The following RPSA2 variants were observed in gnomAD, a reference collection of about 807,000 sequenced individuals.
RPSA2 encodes small ribosomal subunit protein uS2B.
the RPSA2 span, among the ~76,000 whole-genome samples, chr19:23,866,520 C>A: frequency 1.4e-5 from 2 of 147,670 alleles, no homozygotes; most frequent in African/African-American, 2.4e-5. Context: ...GGTGCCCCCC[C>A]CCGCCCAGTG....
the RPSA2 span, among the ~76,000 whole-genome samples, chr19:23,867,832 A>C: frequency 4.6e-4 from 31 of 67,356 alleles, no homozygotes; most frequent in Non-Finnish European, 9.6e-4. Context: ...TCCGTCTCAA[A>C]AAAAAAAAAA....
chr19:23,841,001 A>C, the RPSA2 span, among the ~76,000 whole-genome samples: 1 of 149,570 alleles, frequency 6.7e-6, no homozygotes, highest in South Asian at 2.1e-4. Flanking sequence ...AAACATGGAC[A>C]TCGTATGTGC....
the RPSA2 span, among the ~76,000 whole-genome samples, chr19:23,761,901 A>ATCC: frequency 1.5e-4 from 5 of 34,030 alleles, 1 homozygote; most frequent in Non-Finnish European, 2.7e-4. Flanking sequence ...GGGTAACGTA[A>ATCC]TTCTTTCTTT....
the RPSA2 span, among the ~76,000 whole-genome samples, chr19:23,802,224 T>C: frequency 1.3e-5 from 2 of 151,330 alleles, no homozygotes; most frequent in Non-Finnish European, 2.9e-5. Flanking sequence ...GCAGAATCTC[T>C]AAGTGTAAAC....
chr19:23,769,609 G>C, the RPSA2 span, among the ~76,000 whole-genome samples: 528 of 152,296 alleles, frequency 3.5e-3, 5 homozygotes, highest in African/African-American at 0.012. Context: ...CTCCCAAAGT[G>C]CTGGGATTAC....
chr19:23,842,045 C>A, the RPSA2 span, among the ~76,000 whole-genome samples: 2 of 152,162 alleles, frequency 1.3e-5, no homozygotes, highest in African/African-American at 4.8e-5. Flanking sequence ...AGATGTTTTA[C>A]AAAGTATTTT....
chr19:23,817,202 A>T, the RPSA2 span, among the ~76,000 whole-genome samples: 2 of 152,122 alleles, frequency 1.3e-5, no homozygotes, highest in African/African-American at 4.8e-5. Context: ...ACCAACATGG[A>T]GAAACCCTGT....
chr19:23,798,601 A>AT, the RPSA2 span, among the ~76,000 whole-genome samples: 1 of 152,154 alleles, frequency 6.6e-6, no homozygotes, highest in Non-Finnish European at 1.5e-5. Context: ...AGTTACAGAA[A>AT]TTTTTTAAAA....
chr19:23,800,803 G>A, the RPSA2 span, among the ~76,000 whole-genome samples: 1 of 152,154 alleles, frequency 6.6e-6, no homozygotes, highest in South Asian at 2.1e-4. Context: ...AGTAGAGACA[G>A]GGTTTTTCCA....
chr19:23,758,607 G>T, the RPSA2 span: 1 of 1,268,456 alleles, frequency 7.9e-7, no homozygotes, highest in Non-Finnish European at 1.2e-6. Flanking sequence ...CAGCGCAGCC[G>T]CCATCTTATG....
chr19:23,830,767 AT>A, the RPSA2 span, among the ~76,000 whole-genome samples: 259 of 151,564 alleles, frequency 1.7e-3, no homozygotes, highest in African/African-American at 5.4e-3. Flanking sequence ...TATACCTCTG[AT>A]TTTTTTTATG....
chr19:23,849,003 G>T, the RPSA2 span, among the ~76,000 whole-genome samples: 1 of 152,202 alleles, frequency 6.6e-6, no homozygotes, highest in Non-Finnish European at 1.5e-5. Flanking sequence ...TGAGGGGGAA[G>T]ATTCCCAAGG....
the RPSA2 span, among the ~76,000 whole-genome samples, chr19:23,845,752 A>G: frequency 6.6e-6 from 1 of 152,190 alleles, no homozygotes; most frequent in African/African-American, 2.4e-5. Context: ...TCAGCCTCAC[A>G]AAGTGCTGGG....
At chr19:23,846,817 CT>C in the RPSA2 span, among the ~76,000 whole-genome samples, 1 of 152,132 alleles carries the variant, frequency 6.6e-6, no homozygotes, top group South Asian at 2.1e-4. Context: ...AGTTTAGATA[CT>C]ATGATTATTA....
chr19:23,787,483 C>A, the RPSA2 span, among the ~76,000 whole-genome samples: 1 of 150,966 alleles, frequency 6.6e-6, no homozygotes, highest in African/African-American at 2.4e-5. Context: ...GTGACTGGTG[C>A]CTGTAGTCCC....
At chr19:23,810,421 G>A in the RPSA2 span, among the ~76,000 whole-genome samples, 3 of 2,680 alleles carry the variant, frequency 1.1e-3, 1 homozygote, top group Non-Finnish European at 1.7e-3. Context: ...AAAAAAAAAA[G>A]GGAAAAGGGC....
At chr19:23,795,248 CTG>C in the RPSA2 span, among the ~76,000 whole-genome samples, 1 of 149,604 alleles carries the variant, frequency 6.7e-6, no homozygotes, top group East Asian at 2.0e-4. Flanking sequence ...AGCATTAAAT[CTG>C]TAAATATTGG....
chr19:23,783,802 C>A, the RPSA2 span, among the ~76,000 whole-genome samples: 1 of 152,160 alleles, frequency 6.6e-6, no homozygotes, highest in Non-Finnish European at 1.5e-5. Flanking sequence ...ATTGCTGGGT[C>A]AAGCAACCAG....
the RPSA2 span, among the ~76,000 whole-genome samples, chr19:23,861,635 AC>A: frequency 6.6e-6 from 1 of 152,068 alleles, no homozygotes; most frequent in Non-Finnish European, 1.5e-5. Context: ...TTAAGGGCAA[AC>A]AAATCCCCGT....
Sources: gnomAD v4.1 joint callset for allele counts (sites outside exome capture counted in the v4.1 genomes callset) on GRCh38, gnomAD v4.1.1 for gene constraint, MANE v1.5 for transcripts, NCBI Gene and HGNC (gene_info 2026-07-23, HGNC 2026-07-21) for gene names.